Variants in COL1A2 observed in about 807,000 individuals in gnomAD.
The protein encoded by COL1A2 is collagen alpha-2(I) chain.
Under a neutral mutation model 174.3 loss-of-function variants are expected in COL1A2, and 49 were observed. The observed-to-expected ratio is 0.28, with a 90% confidence interval of 0.22 to 0.36. The LOEUF (loss-of-function observed/expected upper bound fraction) is 0.36, where lower values mean the gene tolerates loss of function less well. COL1A2 is among the 10% of genes least tolerant of loss of function. The probability of loss-of-function intolerance (pLI) is 1.00; values close to 1 mark genes in which losing one functional copy is unlikely to be tolerated. For missense variants in COL1A2, 1,438 were observed against 1,822.7 expected (o/e 0.79, Z 3.84); for synonymous variants, 655 against 606.6 (o/e 1.08, Z -1.17).
intron 3 of COL1A2, 59 bp downstream of exon 3, chr7:94,398,455 C>A: frequency 1.3e-6 from 1 of 751,394 alleles, no homozygotes; most frequent in Admixed American, 2.8e-5. Context: ...CATAATTTAA[C>A]TAAATTTATA....
intron 9 of COL1A2, 68 bp from the exon 10 acceptor site, chr7:94,405,131 C>G (rs1791768705): frequency 6.5e-7 from 1 of 1,538,612 alleles, no homozygotes; most frequent in South Asian, 1.1e-5. Flanking sequence ...TTGTAAAAAC[C>G]AAGATTCCCC....
chr7:94,428,785 T>C (rs542278840), intron 50 of COL1A2, among the ~76,000 whole-genome samples: 8 of 152,354 alleles, frequency 5.3e-5, no homozygotes, highest in Admixed American at 3.9e-4. Flanking sequence ...ATTTTCAGAA[T>C]GTGAGCAGCT....
intron 34 of COL1A2, 146 bp from the exon 35 acceptor site, chr7:94,420,087 T>C: frequency 9.1e-7 from 1 of 1,097,318 alleles, no homozygotes; most frequent in Admixed American, 1.7e-5. Context: ...AAAAATCCAC[T>C]TCATTTTACT....
chr7:94,412,515 C>G, intron 24 of COL1A2, 69 bp from the exon 25 acceptor site: 1 of 1,173,330 alleles, frequency 8.5e-7, no homozygotes. Context: ...TCATCCGTGG[C>G]AGCATCATAA....
At chr7:94,416,742 T>C in intron 31 of COL1A2, 2 of 542,290 alleles carry the variant, frequency 3.7e-6, no homozygotes, top group Non-Finnish European at 6.6e-6. Flanking sequence ...TGAATTAGTA[T>C]GGGTTGTCAC....
At chr7:94,408,463 GCAT>G in intron 15 of COL1A2, 83 bp downstream of exon 15, 1 of 1,466,310 alleles carries the variant, frequency 6.8e-7, no homozygotes, top group Non-Finnish European at 9.6e-7. Flanking sequence ...TTACGAAATA[GCAT>G]CATTTCAGAC....
At position 94,409,744 on chromosome 7, in the gene COL1A2, G is replaced by C; in HGVS notation, c.958G>C (p.Ala320Pro). 1 of 1,614,108 alleles carries C rather than the reference G, an allele frequency of 6.2e-7. No individual in the cohort carries two copies. Among genetic ancestry groups the C allele is most frequent in the African/African-American group, 1.3e-5 (1 of 75,028 alleles). The change falls in exon 19 of 52, where the codon GCT becomes CCT. Residue 320 changes from alanine to proline, a missense_variant. This residue lies in a region of COL1A2 where 867 missense variants were observed against 1,213.7 expected (regional missense o/e 0.71). Transcript: ENST00000297268. ...ACAGGGCCTTCCCGGCGTTGCTGGG[G>C]CTCCCGGCCTCCCTGGACCCCGCGG... ...GAAGLPGVAG[A>P]PGLPGPRGIP...
chr7:94,430,042 T>A, intron 51 of COL1A2: 1 of 593,498 alleles, frequency 1.7e-6, no homozygotes, highest in Non-Finnish European at 3.0e-6. Flanking sequence ...TGTTTGTTTG[T>A]TTGTTTTTTG....
chr7:94,407,970 T>G (rs1791836882), intron 13 of COL1A2, 79 bp downstream of exon 13: 1 of 1,366,250 alleles, frequency 7.3e-7, no homozygotes, highest in Non-Finnish European at 1.0e-6. Flanking sequence ...TTTTTGCTAA[T>G]CACTGTATCC....
intron 39 of COL1A2, chr7:94,422,184 A>T (rs557480156): frequency 8.0e-6 from 3 of 373,932 alleles, no homozygotes; most frequent in African/African-American, 2.6e-5. Context: ...TTTCAGGGGC[A>T]TGGTCTTTTT....
rs969640578 is a variant in COL1A2, at chr7:94,421,932, A to T, written c.2383A>T (p.Thr795Ser). 1 of 1,614,122 alleles carries T rather than the reference A, an allele frequency of 6.2e-7. No homozygotes were observed. Residue 795 changes from threonine to serine, a missense_variant, in exon 39 of 52, where the codon ACT (threonine) becomes TCT (serine). Thr to Ser is a moderately conservative substitution (Grantham distance 58, BLOSUM62 1). Coordinates refer to ENST00000297268, the MANE Select transcript of COL1A2 (RefSeq NM_000089.4). ...TGGTTTCCCTGGTGCTGCTGGACGG[A>T]CTGGTCCCCCAGGACCCTCTGTAAG... ...MTGFPGAAGR[T>S]GPPGPSGISG...
chr7:94,429,379 T>C lies in COL1A2; in HGVS notation c.3903T>C (p.Val1301=). The part of the protein sequence containing the change: ...ILQGSNDVEL[V]AEGNSRFTYT... ...AGGGCTCTAATGATGTTGAACTTGTTGCTGAGGGCAACAGCAGGTTCACTT... is the reference window on the plus strand; with the variant it reads ...AGGGCTCTAATGATGTTGAACTTGTCGCTGAGGGCAACAGCAGGTTCACTT... Residue 1301 remains valine (V), a synonymous_variant, in exon 51 of 52, where the codon GTT becomes GTC. Transcript: ENST00000297268. The C allele has an allele frequency of 6.2e-7, 1 of 1,614,094 alleles. No individual in the cohort carries two copies. Among genetic ancestry groups the C allele is most frequent in the Non-Finnish European group, 8.5e-7 (1 of 1,179,978 alleles).
At chr7:94,412,527 C>G (rs1791949853) in intron 24 of COL1A2, 57 bp from the exon 25 acceptor site, 11 of 1,344,668 alleles carry the variant, frequency 8.2e-6, no homozygotes, top group African/African-American at 1.4e-5. Flanking sequence ...GCATCATAAG[C>G]TTGAGGTTGT....
chr7:94,427,467 A>T, intron 48 of COL1A2, 160 bp from the exon 49 acceptor site: 1 of 1,071,432 alleles, frequency 9.3e-7, no homozygotes, highest in Non-Finnish European at 1.4e-6. Context: ...CCATCCCTGC[A>T]AGTGTGCCTG....
At chr7:94,410,621 C>A in intron 21 of COL1A2, 94 bp downstream of exon 21, 1 of 1,135,614 alleles carries the variant, frequency 8.8e-7, no homozygotes, top group South Asian at 1.3e-5. Context: ...ACTGTGTTTT[C>A]TTAGGCAAAA....
In COL1A2 at chr7:94,420,398, G is replaced by T. The variant is rs773392397; in HGVS notation, c.2141G>T (p.Arg714Leu). The T allele has an allele frequency of 6.2e-7, 1 of 1,614,156 alleles. No individual in the cohort carries two copies. The highest frequency in any genetic ancestry group is 1.3e-5 in the African/African-American group (1 of 75,010). The change falls in exon 36 of 52, where the codon CGT (arginine) becomes CTT (leucine). Residue 714 changes from arginine (R) to leucine (L), a missense_variant. By Grantham distance (102) the Arg-to-Leu change is moderately radical (BLOSUM62 -2). Coordinates refer to ENST00000297268, the MANE Select transcript of COL1A2 (RefSeq NM_000089.4). The part of the protein sequence containing the change: ...PAGPRGSPGE[R>L]GEVGPAGPNG... Reference sequence around the variant, plus strand: ...ATCCCTTCTCCCACCTAGGGTGAACGTGGTGAGGTCGGTCCTGCTGGCCCC... The same window carrying T: ...ATCCCTTCTCCCACCTAGGGTGAACTTGGTGAGGTCGGTCCTGCTGGCCCC...
intron 44 of COL1A2, 56 bp from the exon 45 acceptor site, chr7:94,425,942 G>T: frequency 1.2e-6 from 2 of 1,606,318 alleles, no homozygotes; most frequent in Non-Finnish European, 1.7e-6. Flanking sequence ...TGGTGGAGGA[G>T]TGGGGAGGGG....
intron 48 of COL1A2, 108 bp downstream of exon 48, chr7:94,427,403 A>T: frequency 8.6e-7 from 1 of 1,158,298 alleles, no homozygotes; most frequent in Non-Finnish European, 1.3e-6. Flanking sequence ...GCCCCATTTC[A>T]ATATATCCTC....
chr7:94,395,003 C>G lies in COL1A2; in HGVS notation c.-29C>G. On this transcript the variant is annotated 5_prime_UTR_variant, in exon 1 of 52. Coordinates refer to ENST00000297268, the MANE Select transcript of COL1A2 (RefSeq NM_000089.4). ...CCGGTGACCCAGGGGCTCTGCGACA[C>G]AAGGAGTCTGCATGTCTAAGTGCTA... 6.2e-7 allele frequency: 1 copy of G among 1,608,930 alleles called. No individual in the cohort carries two copies. Among genetic ancestry groups the G allele is most frequent in the Non-Finnish European group, 8.5e-7 (1 of 1,176,488 alleles).
Sources: gnomAD v4.1 joint callset for allele counts (sites outside exome capture counted in the v4.1 genomes callset) on GRCh38, gnomAD v4.1.1 for gene constraint, gnomAD v4.1.1 regional missense constraint, MANE v1.5 for transcripts, NCBI Gene and HGNC (gene_info 2026-07-23, HGNC 2026-07-21) for gene names.